Variants in SRBD1 observed in about 807,000 individuals in gnomAD.
SRBD1 encodes the protein S1 RNA binding domain 1, also known as S1 RNA-binding domain-containing protein 1.
A neutral mutation model predicts 115.3 loss-of-function variants in SRBD1; 88 were observed. The observed-to-expected ratio is 0.76, with a 90% CI of 0.64 to 0.91. The LOEUF (loss-of-function observed/expected upper bound fraction) is 0.91, where lower values mean the gene tolerates loss of function less well. Among genes scored for constraint, SRBD1 ranks in the 40% least tolerant of loss-of-function variants. The probability of loss-of-function intolerance (pLI) is 0.00; values close to 1 mark genes in which losing one functional copy is unlikely to be tolerated. For synonymous variants in SRBD1, 509 were observed against 407.7 expected, an observed-to-expected ratio of 1.25 and a Z score of -2.99; for missense variants, 1,385 against 1,177.4, an observed-to-expected ratio of 1.18 and a Z score of -2.58.
chr2:45,544,608 T>G (rs1672049884), intron 14 of SRBD1, among the ~76,000 whole-genome samples: 2 of 152,190 alleles, frequency 1.3e-5, no homozygotes, highest in African/African-American at 4.8e-5. Context: ...ATACATAGAT[T>G]TTACACAAGT....
intron 15 of SRBD1, among the ~76,000 whole-genome samples, chr2:45,486,921 A>C (rs1362072421): frequency 6.6e-6 from 1 of 152,044 alleles, no homozygotes; most frequent in Non-Finnish European, 1.5e-5. Flanking sequence ...TACTATTTCT[A>C]TTCCTTCTGC....
chr2:45,530,712 C>T (rs181235434), intron 14 of SRBD1, among the ~76,000 whole-genome samples: 1 of 152,080 alleles, frequency 6.6e-6, no homozygotes, highest in African/African-American at 2.4e-5. Context: ...TTTCTACTAC[C>T]CAGTTCCTAG....
chr2:45,390,948 G>T (rs552299408), intron 20 of SRBD1, among the ~76,000 whole-genome samples: 1 of 152,272 alleles, frequency 6.6e-6, no homozygotes, highest in Non-Finnish European at 1.5e-5. Context: ...CTACTGTAAT[G>T]TAATATTACA....
chr2:45,586,473 G>A (rs1673525506), intron 4 of SRBD1, among the ~76,000 whole-genome samples: 1 of 152,144 alleles, frequency 6.6e-6, no homozygotes, highest in African/African-American at 2.4e-5. Context: ...GTTAGAGTTG[G>A]AAGACCCTTC....
chr2:45,574,958 TCTGGAGCCAGCTGCCTTGTCGAATC>T (rs1673132598), intron 7 of SRBD1, among the ~76,000 whole-genome samples: 1 of 152,140 alleles, frequency 6.6e-6, no homozygotes, highest in Admixed American at 6.6e-5. Flanking sequence ...AAAATGCATC[TCTGGAGCCAGCTGCCTTGTCGAATC>T]CTGGTTCTAC....
At chr2:45,513,049 C>A (rs2103931084) in intron 14 of SRBD1, among the ~76,000 whole-genome samples, 1 of 152,250 alleles carries the variant, frequency 6.6e-6, no homozygotes, top group South Asian at 2.1e-4. Flanking sequence ...AGAAATCAAG[C>A]TCTACTTTGC....
intron 12 of SRBD1, among the ~76,000 whole-genome samples, chr2:45,549,486 G>C (rs2104045168): frequency 6.6e-6 from 1 of 151,432 alleles, no homozygotes; most frequent in Middle Eastern, 3.4e-3. Flanking sequence ...ATTTTTAAAA[G>C]ACTAATATAA....
rs147457924 is a variant in SRBD1 at position 45,394,896 on chromosome 2, G to T, written c.2514-1767C>A. Among the ~76,000 whole-genome samples the T allele has an allele frequency of 2.0e-5, 3 of 152,312 alleles. No homozygotes were observed. The East Asian group carries it at 5.8e-4, about 29-fold the overall frequency. ...TTGAAAATGAGCTTTCATCCAAACTGGTGTCCAGTGAGATAACACTGTAAG... is the reference window on the plus strand; with the variant it reads ...TTGAAAATGAGCTTTCATCCAAACTTGTGTCCAGTGAGATAACACTGTAAG... On this transcript the variant is annotated intron_variant, in intron 19 of 20. Transcript: ENST00000263736.
intron 14 of SRBD1, among the ~76,000 whole-genome samples, chr2:45,539,852 A>G (rs1002553768): frequency 6.6e-6 from 1 of 152,228 alleles, no homozygotes; most frequent in Admixed American, 6.5e-5. Context: ...AGCATCACAA[A>G]GCAGAACCAG....
chr2:45,422,620 G>C (rs1051878780), intron 16 of SRBD1, among the ~76,000 whole-genome samples: 7 of 152,190 alleles, frequency 4.6e-5, no homozygotes, highest in African/African-American at 9.7e-5. Flanking sequence ...GTCAGGAATA[G>C]GTATTTGGTT....
At chr2:45,422,028 C>T (rs1433621818) in intron 16 of SRBD1, among the ~76,000 whole-genome samples, 1 of 152,058 alleles carries the variant, frequency 6.6e-6, no homozygotes, top group Admixed American at 6.6e-5. Flanking sequence ...GAAAAGGGAA[C>T]TTTTTAAAAT....
intron 14 of SRBD1, among the ~76,000 whole-genome samples, chr2:45,489,043 C>A (rs1425670793): frequency 6.6e-6 from 1 of 152,140 alleles, no homozygotes; most frequent in Non-Finnish European, 1.5e-5. Context: ...TTCTTTGGCT[C>A]CAAATACCAT....
intron 9 of SRBD1, among the ~76,000 whole-genome samples, chr2:45,571,542 A>AC (rs1673017519): frequency 7.0e-6 from 1 of 143,156 alleles, no homozygotes; most frequent in Admixed American, 7.0e-5. Context: ...AAAAAAAAAA[A>AC]CTGTCCATGA....
At chr2:45,479,284 T>C (rs1327079094) in intron 15 of SRBD1, among the ~76,000 whole-genome samples, 2 of 152,140 alleles carry the variant, frequency 1.3e-5, no homozygotes, top group African/African-American at 2.4e-5. Flanking sequence ...TCTCTCACTT[T>C]AAATCAAAAG....
intron 14 of SRBD1, among the ~76,000 whole-genome samples, chr2:45,523,856 A>G (rs1344050725): frequency 6.6e-6 from 1 of 151,932 alleles, no homozygotes; most frequent in East Asian, 1.9e-4. Flanking sequence ...TATCAAAATC[A>G]AAAAAAGACA....
intron 14 of SRBD1, among the ~76,000 whole-genome samples, chr2:45,542,552 G>GGGCT (rs1671979129): frequency 6.6e-6 from 1 of 152,226 alleles, no homozygotes; most frequent in African/African-American, 2.4e-5. Flanking sequence ...TGCTCCAGAT[G>GGGCT]GGCTGCCACT....
chr2:45,497,338 G>C (rs1670490261), intron 14 of SRBD1, among the ~76,000 whole-genome samples: 1 of 152,120 alleles, frequency 6.6e-6, no homozygotes, highest in Non-Finnish European at 1.5e-5. Context: ...AATTCTACTA[G>C]AACAGTCCTT....
chr2:45,550,121 T>C (rs1370676861), intron 12 of SRBD1, among the ~76,000 whole-genome samples: 2 of 151,992 alleles, frequency 1.3e-5, no homozygotes, highest in Non-Finnish European at 2.9e-5. Flanking sequence ...ATTCTAAAAC[T>C]GAAAAACCAA....
chr2:45,529,771 G>T (rs1379845111), intron 14 of SRBD1, among the ~76,000 whole-genome samples: 4 of 151,904 alleles, frequency 2.6e-5, no homozygotes, highest in Non-Finnish European at 2.9e-5. Flanking sequence ...CTCAAATTAA[G>T]CCTAGAACCT....
Sources: allele counts gnomAD v4.1 joint callset (sites outside exome capture counted in the v4.1 genomes callset), GRCh38; gene constraint gnomAD v4.1.1; transcripts MANE v1.5; gene names NCBI Gene and HGNC (gene_info 2026-07-23, HGNC 2026-07-21).